HIPK1: variants seen among roughly 807,000 people sequenced by gnomAD.
HIPK1 encodes homeodomain interacting protein kinase 1, also known as homeodomain-interacting protein kinase 1.
HIPK1 carries 28 observed loss-of-function variants against 117.1 expected under a neutral mutation model. That is an observed-to-expected ratio of 0.24 (90% confidence interval 0.18 to 0.33). The LOEUF is 0.33. Among genes scored for constraint, HIPK1 ranks in the 10% least tolerant of loss-of-function variants. The probability of loss-of-function intolerance (pLI) is 1.00; values close to 1 mark genes in which losing one functional copy is unlikely to be tolerated. For missense variants in HIPK1, 1,122 were observed against 1,475.1 expected, an observed-to-expected ratio of 0.76 and a Z score of 3.92; for synonymous variants, 605 against 562.5, an observed-to-expected ratio of 1.08 and a Z score of -1.07.
intron 1 of HIPK1, among the ~76,000 whole-genome samples, chr1:113,934,040 T>C (rs191396385): frequency 6.6e-5 from 10 of 152,314 alleles, no homozygotes; most frequent in African/African-American, 2.2e-4. Context: ...TGTACTCTTA[T>C]CATCTGTAAA....
At chr1:113,944,696 T>C (rs1670877125) in intron 2 of HIPK1, among the ~76,000 whole-genome samples, 1 of 151,910 alleles carries the variant, frequency 6.6e-6, no homozygotes, top group Admixed American at 6.6e-5. Context: ...GCCGGGATGG[T>C]CTCGATCTCT....
intron 2 of HIPK1, among the ~76,000 whole-genome samples, chr1:113,946,396 C>G (rs1670997665): frequency 6.6e-6 from 1 of 152,122 alleles, no homozygotes; most frequent in African/African-American, 2.4e-5. Flanking sequence ...AGTGCATTCT[C>G]TTGTGATAAC....
At chr1:113,951,359 A>T in intron 2 of HIPK1, 1 of 833,090 alleles carries the variant, frequency 1.2e-6, no homozygotes, top group Non-Finnish European at 1.4e-6. Flanking sequence ...GCCAGATTGC[A>T]GGGATTCAAA....
chr1:113,968,097 A>T (rs1672576035), intron 12 of HIPK1, 149 bp downstream of exon 12: 2 of 683,842 alleles, frequency 2.9e-6, no homozygotes, highest in East Asian at 5.5e-5. Flanking sequence ...TCATCTGGGC[A>T]TGTACACCAG....
Position 113,973,075 on chromosome 1 carries a change from GC to G in HIPK1, c.3202del (p.Arg1068AlafsTer132). On this transcript the variant is annotated frameshift_variant, in exon 16 of 16. Transcript: ENST00000426820. LOFTEE classifies it high-confidence loss of function. ...PTSQERSSNPAPRRQQAFVAP... is the reference protein window; with the variant it reads ...PTSQERSSNPXPRRQQAFVAP... ...CTCACAGGAGAGAAGCAGCAACCCA[GC>G]CCCCCGCAGGCAGCAGGCGTTTGTG... 1 of 1,530,420 alleles carries G rather than the reference GC, an allele frequency of 6.5e-7. No homozygotes were observed. The highest frequency in any genetic ancestry group is 8.8e-7 in the Non-Finnish European group (1 of 1,139,626). The allele number at this position is 1,530,420 out of a possible 1,614,324, so 94.8% of individuals were successfully genotyped here.
At position 113,973,010 on chromosome 1, in the gene HIPK1, CTTCT is replaced by C. The variant is rs983499228; in HGVS notation, c.3145-8_3145-5del. On this transcript the variant is annotated splice_polypyrimidine_tract_variant and intron_variant, in intron 15 of 15. Coordinates refer to ENST00000426820, the MANE Select transcript of HIPK1 (RefSeq NM_198268.3). ...TGACCTCAGGATTCCTCACTTCTTCCTTCTTTCTTCCAGAACCAGCAGTCATCGG... is the reference window on the plus strand; with the variant it reads ...TGACCTCAGGATTCCTCACTTCTTCCTTCTTCCAGAACCAGCAGTCATCGG... The C allele has an allele frequency of 2.0e-6, 3 of 1,512,858 alleles. No homozygotes were observed. Among genetic ancestry groups the C allele is most frequent in the African/African-American group, 2.8e-5 (2 of 71,706 alleles). 93.7% of individuals were successfully genotyped at this position (1,512,858 alleles called of 1,614,324 possible).
intron 1 of HIPK1, among the ~76,000 whole-genome samples, chr1:113,935,075 A>T (rs1169006980): frequency 6.8e-6 from 1 of 147,510 alleles, no homozygotes; most frequent in African/African-American, 2.5e-5. Flanking sequence ...GGTTTGTTAT[A>T]TAGGTAATCT....
Position 113,929,393 on chromosome 1 carries a change from G to A in HIPK1, c.-142G>A. On this transcript the variant is annotated 5_prime_UTR_variant, in exon 1 of 16. Coordinates refer to ENST00000426820, the MANE Select transcript of HIPK1 (RefSeq NM_198268.3). ...ATCACCGCAGAGTCTGCAGTGCGGA[G>A]GGGGCGGGAAGTCCAGGCCCCGCAC... is the stretch of plus-strand genomic sequence containing the variant. 7.8e-7 allele frequency: 1 copy of A among 1,289,458 alleles called. No individual in the cohort carries two copies. The allele number at this position is 1,289,458 out of a possible 1,614,324, so 79.9% of individuals were successfully genotyped here. A position where few individuals can be genotyped will look rare whatever the true frequency, so the allele number is the denominator to read the frequency against.
chr1:113,949,852 G>A (rs972907903), intron 2 of HIPK1, among the ~76,000 whole-genome samples: 3 of 151,968 alleles, frequency 2.0e-5, no homozygotes, highest in African/African-American at 7.3e-5. Flanking sequence ...CAGCCTCCTC[G>A]GCCTCCCAAA....
chr1:113,954,441 A>G (rs1267197201), intron 3 of HIPK1, among the ~76,000 whole-genome samples: 1 of 152,220 alleles, frequency 6.6e-6, no homozygotes, highest in Non-Finnish European at 1.5e-5. Flanking sequence ...GATTATAGCC[A>G]AAATTTTCAA....
rs777173414 is a variant in HIPK1 at position 113,970,208 on chromosome 1, T to C, written c.3013+11T>C. On this transcript the variant is annotated intron_variant, in intron 14 of 15. Transcript: ENST00000426820. ...CAACCCAGGCCTCAGGTCAGTGTTA[T>C]CTTCACAGCTTGAGTTGAATTCTCC... is the stretch of plus-strand genomic sequence containing the variant. 1.2e-6 allele frequency: 2 copies of C among 1,613,224 alleles called. No individual in the cohort carries two copies. The highest frequency in any genetic ancestry group is 1.1e-5 in the South Asian group (1 of 91,074).
At position 113,954,655 on chromosome 1, in the gene HIPK1, G is replaced by A. The variant is rs1024678990; in HGVS notation, c.1205G>A (p.Arg402His). ...YPGASEYDQIRYISQTQGLPA... is the reference protein window; with the variant it reads ...YPGASEYDQIHYISQTQGLPA... Reference sequence around the variant, plus strand: ...TTGATGGTTTTGATGTTTCAGATTCGTTATATTTCACAAACACAAGGCTTG... The same window carrying A: ...TTGATGGTTTTGATGTTTCAGATTCATTATATTTCACAAACACAAGGCTTG... Residue 402 changes from arginine to histidine, a missense_variant, in exon 4 of 16, where the codon CGT becomes CAT. Arg to His is a conservative substitution (Grantham distance 29). Around this residue, in one of 6 missense-constraint regions of HIPK1, gnomAD observed 127 missense variants for 197.9 expected, o/e 0.64. Transcript: ENST00000426820. 18 of 1,613,416 alleles carry A rather than the reference G, an allele frequency of 1.1e-5. No homozygotes were observed. The highest frequency in any genetic ancestry group is 2.2e-5 in the East Asian group (1 of 44,882).
chr1:113,969,048 G>A (rs922110140), intron 13 of HIPK1, among the ~76,000 whole-genome samples: 5 of 151,584 alleles, frequency 3.3e-5, no homozygotes, highest in South Asian at 2.1e-4. Flanking sequence ...AAAAAGGGCC[G>A]AAGAAAAAGG....
intron 1 of HIPK1, among the ~76,000 whole-genome samples, chr1:113,939,953 C>CTTTTTTTT (rs543460905): frequency 8.0e-6 from 1 of 125,198 alleles, no homozygotes; most frequent in South Asian, 2.6e-4. Context: ...ATCCTGGTTA[C>CTTTTTTTT]TTTTTTTTTT....
In HIPK1 at chr1:113,970,056, C is replaced by T. The variant is rs1571731162; in HGVS notation, c.2872C>T (p.Leu958=). ...SLSSPYSTDT[L]SALRGNSGSV... is the part of the protein sequence containing the mutation. ...GAGCAGCCCTTATTCCACTGATACCCTGAGTGCTCTCCGAGGCAATAGTGG... is the reference window on the plus strand; with the variant it reads ...GAGCAGCCCTTATTCCACTGATACCTTGAGTGCTCTCCGAGGCAATAGTGG... Residue 958 remains leucine, a synonymous_variant, in exon 14 of 16, where the codon CTG becomes TTG. Coordinates refer to ENST00000426820, the MANE Select transcript of HIPK1 (RefSeq NM_198268.3). 6.2e-7 allele frequency: 1 copy of T among 1,614,216 alleles called. No individual in the cohort carries two copies. The highest frequency in any genetic ancestry group is 1.1e-5 in the South Asian group (1 of 91,084).
chr1:113,956,898 A>T, intron 6 of HIPK1, 87 bp downstream of exon 6: 1 of 1,234,686 alleles, frequency 8.1e-7, no homozygotes, highest in Non-Finnish European at 1.2e-6. Context: ...TGAGCCCGCC[A>T]CTTTGGTGCT....
At chr1:113,937,906 A>C (rs1379488851) in intron 1 of HIPK1, among the ~76,000 whole-genome samples, 4 of 152,048 alleles carry the variant, frequency 2.6e-5, no homozygotes, top group Admixed American at 2.0e-4. Context: ...GGGAGGAATC[A>C]AAGTGGGGAG....
intron 9 of HIPK1, 25 bp downstream of exon 9, chr1:113,962,463 C>G: frequency 6.2e-7 from 1 of 1,607,530 alleles, no homozygotes; most frequent in Middle Eastern, 1.7e-4. Flanking sequence ...AATGTGGATA[C>G]TCAGTATTGC....
chr1:113,954,802 G>A, intron 4 of HIPK1, 32 bp downstream of exon 4: 1 of 1,584,794 alleles, frequency 6.3e-7, no homozygotes, highest in South Asian at 1.1e-5. Context: ...TCCGACTCCT[G>A]TACTCCACCC....
Sources: allele counts gnomAD v4.1 joint callset (sites outside exome capture counted in the v4.1 genomes callset), GRCh38; gene constraint gnomAD v4.1.1; regional missense constraint gnomAD v4.1.1; transcripts MANE v1.5; gene names NCBI Gene and HGNC (gene_info 2026-07-23, HGNC 2026-07-21).